The following CNTNAP5 variants were observed in gnomAD, a reference collection of about 807,000 sequenced individuals.
CNTNAP5 encodes the protein contactin-associated protein-like 5.
In CNTNAP5, 72 loss-of-function variants were observed where a neutral mutation model predicts 150.2. The observed-to-expected ratio is 0.48, with a 90% CI of 0.40 to 0.58. CNTNAP5 has a LOEUF of 0.58. Among genes scored for constraint, CNTNAP5 ranks in the 20% least tolerant of loss-of-function variants. CNTNAP5 has a pLI of 0.00. For synonymous variants in CNTNAP5, 672 were observed against 619.8 expected (o/e 1.08, Z -1.25); for missense variants, 1,636 against 1,626.2 (o/e 1.01, Z -0.10).
chr2:124,161,862 G>A (rs2104649985), intron 1 of CNTNAP5, among the ~76,000 whole-genome samples: 1 of 152,282 alleles, frequency 6.6e-6, no homozygotes, highest in South Asian at 2.1e-4. Flanking sequence ...GAATTCATCT[G>A]TGAATTCAAT....
rs565166798 is a variant in CNTNAP5 at position 124,159,150 on chromosome 2, A to G, written c.83-62555A>G. Among the ~76,000 whole-genome samples the G allele has an allele frequency of 1.4e-4, 22 of 152,366 alleles. 1 individual carries two copies. The East Asian group carries it at 1.9e-3, about 13-fold the overall frequency. ...TATGACATTGTGTGTCTCTTGGGAT[A>G]TAAAACTCACTTAATGTAAAAACAT... is the stretch of plus-strand genomic sequence containing the variant. On this transcript the variant is annotated intron_variant, in intron 1 of 23. Transcript: ENST00000682447.
intron 3 of CNTNAP5, among the ~76,000 whole-genome samples, chr2:124,286,208 C>A (rs1027724390): frequency 6.6e-6 from 1 of 152,134 alleles, no homozygotes; most frequent in Non-Finnish European, 1.5e-5. Flanking sequence ...GGACTCAATT[C>A]GAATCTGCCT....
At chr2:124,172,453 C>T (rs1684956076) in intron 1 of CNTNAP5, among the ~76,000 whole-genome samples, 1 of 152,152 alleles carries the variant, frequency 6.6e-6, no homozygotes, top group African/African-American at 2.4e-5. Flanking sequence ...CACTCTATCA[C>T]CCAGGCTAGA....
chr2:124,620,246 C>T (rs1027895071), intron 12 of CNTNAP5, among the ~76,000 whole-genome samples: 4 of 152,018 alleles, frequency 2.6e-5, no homozygotes, highest in East Asian at 1.9e-4. Context: ...CTATCTTTCC[C>T]GTTTTTTTCT....
intron 13 of CNTNAP5, among the ~76,000 whole-genome samples, chr2:124,701,747 G>A (rs1679525422): frequency 2.0e-5 from 3 of 151,994 alleles, no homozygotes; most frequent in Admixed American, 2.0e-4. Context: ...GTTTTGATTT[G>A]CATTTCCTTG....
At chr2:124,611,370 C>T (rs558032648) in intron 12 of CNTNAP5, among the ~76,000 whole-genome samples, 12 of 152,334 alleles carry the variant, frequency 7.9e-5, no homozygotes, top group East Asian at 5.8e-4. Flanking sequence ...ATGCTGTCTG[C>T]GTAGAAAATG....
chr2:124,100,404 A>C (rs573504625), intron 1 of CNTNAP5, among the ~76,000 whole-genome samples: 1 of 152,308 alleles, frequency 6.6e-6, no homozygotes, highest in Non-Finnish European at 1.5e-5. Context: ...TTTGCTTGTG[A>C]AAAAATATGA....
At chr2:124,849,498 A>G (rs576285104) in intron 19 of CNTNAP5, among the ~76,000 whole-genome samples, 3 of 152,226 alleles carry the variant, frequency 2.0e-5, no homozygotes, top group Admixed American at 6.5e-5. Flanking sequence ...TCTTTCTCAA[A>G]ATTCCTTTTG....
chr2:124,317,222 A>C (rs1331055505), intron 3 of CNTNAP5, among the ~76,000 whole-genome samples: 1 of 152,172 alleles, frequency 6.6e-6, no homozygotes, highest in Non-Finnish European at 1.5e-5. Flanking sequence ...TTGACAACCC[A>C]ATGAATTAAT....
At chr2:124,755,861 ATC>A (rs1220097455) in intron 14 of CNTNAP5, among the ~76,000 whole-genome samples, 1 of 152,178 alleles carries the variant, frequency 6.6e-6, no homozygotes, top group East Asian at 1.9e-4. Flanking sequence ...AATGTAATGA[ATC>A]TCTCAGTAAT....
chr2:124,690,333 G>T (rs772541936), intron 13 of CNTNAP5, among the ~76,000 whole-genome samples: 1 of 152,022 alleles, frequency 6.6e-6, no homozygotes, highest in Non-Finnish European at 1.5e-5. Flanking sequence ...TCTTCCTCAT[G>T]CATAGTTTTT....
intron 8 of CNTNAP5, among the ~76,000 whole-genome samples, chr2:124,520,146 T>C (rs889768727): frequency 6.6e-6 from 1 of 152,214 alleles, no homozygotes; most frequent in Non-Finnish European, 1.5e-5. Context: ...GTCCTATTTA[T>C]TTAGAGCTTT....
chr2:124,265,689 G>A (rs949066508), intron 3 of CNTNAP5, among the ~76,000 whole-genome samples: 1 of 152,070 alleles, frequency 6.6e-6, no homozygotes, highest in African/African-American at 2.4e-5. Flanking sequence ...AAAGGATTCT[G>A]ACATGAAATT....
chr2:124,392,687 CAAAAAAAAAAAAAAA>C (rs35107442), intron 3 of CNTNAP5, among the ~76,000 whole-genome samples: 2 of 68,798 alleles, frequency 2.9e-5, no homozygotes, highest in East Asian at 1.1e-3. Flanking sequence ...TTTTCTTTGC[CAAAAAAAAAAAAAAA>C]AAAAAAAAGG....
At chr2:124,367,182 A>C (rs1690396769) in intron 3 of CNTNAP5, among the ~76,000 whole-genome samples, 1 of 152,326 alleles carries the variant, frequency 6.6e-6, no homozygotes, top group East Asian at 1.9e-4. Flanking sequence ...CAAGCATTTG[A>C]AATGGTAAAA....
chr2:124,547,319 T>G (rs984010707), intron 10 of CNTNAP5, among the ~76,000 whole-genome samples: 1 of 152,138 alleles, frequency 6.6e-6, no homozygotes, highest in African/African-American at 2.4e-5. Flanking sequence ...ATCTAAGAAC[T>G]GACTATCTGT....
At chr2:124,745,578 T>G (rs1334406809) in intron 13 of CNTNAP5, among the ~76,000 whole-genome samples, 4 of 152,198 alleles carry the variant, frequency 2.6e-5, no homozygotes, top group Non-Finnish European at 4.4e-5. Flanking sequence ...AAACAATTCA[T>G]GTGTAGTATT....
Position 124,903,077 on chromosome 2 carries a change from T to C in CNTNAP5, c.3632T>C (p.Val1211Ala), listed in dbSNP as rs201955312. 2 of 1,584,648 alleles carry C rather than the reference T, an allele frequency of 1.3e-6. No homozygotes were observed. The highest frequency in any genetic ancestry group is 4.6e-5 in the East Asian group (2 of 43,404). The change falls in exon 22 of 24, where the codon GTG becomes GCG. Residue 1211 changes from valine to alanine, a missense_variant. Transcript: ENST00000682447. ...ATGGTGGACTCAGATGTGAATGCAG[T>C]GACCACGGTGCATTCTTCATCAGGT... is the stretch of plus-strand genomic sequence containing the variant. ...GFMVDSDVNAVTTVHSSSDPF... is the reference protein window; with the variant it reads ...GFMVDSDVNAATTVHSSSDPF...
rs570974077 is a variant in CNTNAP5, at chr2:124,462,431, A to G, written c.919-12308A>G. ...AAATAAGATACAAAGACTTCTCTTA[A>G]ATTTGTTAAAAGCAAATTAATTGTT... On this transcript the variant is annotated intron_variant, in intron 6 of 23. Coordinates refer to ENST00000682447, the MANE Select transcript of CNTNAP5 (RefSeq NM_001367498.1). Among the ~76,000 whole-genome samples the G allele has an allele frequency of 3.6e-4, 55 of 152,342 alleles. 2 individuals are homozygous for G. The highest frequency in any genetic ancestry group is 1.3e-3 in the African/African-American group (53 of 41,588).
Sources: allele counts gnomAD v4.1 joint callset (sites outside exome capture counted in the v4.1 genomes callset), GRCh38; gene constraint gnomAD v4.1.1; transcripts MANE v1.5; gene names NCBI Gene and HGNC (gene_info 2026-07-23, HGNC 2026-07-21).